The following KCNH7 variants were observed in gnomAD, a reference collection of about 807,000 sequenced individuals.
The protein encoded by KCNH7 is voltage-gated inwardly rectifying potassium channel KCNH7.
In KCNH7, 49 loss-of-function variants were observed where a neutral mutation model predicts 120.8. That is an observed-to-expected ratio of 0.41 (90% CI 0.32 to 0.51). The LOEUF (loss-of-function observed/expected upper bound fraction) is 0.51, where lower values mean the gene tolerates loss of function less well. Ranked by LOEUF, KCNH7 falls within the 20% of genes least tolerant of loss-of-function variation. The probability of loss-of-function intolerance (pLI) is 0.38; values close to 1 mark genes in which losing one functional copy is unlikely to be tolerated. For synonymous variants in KCNH7, 547 were observed against 516.1 expected (o/e 1.06, Z -0.81); for missense variants, 1,097 against 1,446.6 (o/e 0.76, Z 3.92).
At chr2:162,488,902 C>T (rs1690197562) in intron 6 of KCNH7, among the ~76,000 whole-genome samples, 1 of 152,148 alleles carries the variant, frequency 6.6e-6, no homozygotes, top group Admixed American at 6.5e-5. Context: ...CACATAAATG[C>T]TTCCCCTTCA....
intron 2 of KCNH7, among the ~76,000 whole-genome samples, chr2:162,713,025 A>T (rs1275566800): frequency 6.6e-6 from 1 of 152,104 alleles, no homozygotes; most frequent in Non-Finnish European, 1.5e-5. Flanking sequence ...CCTGGGTTTA[A>T]ATGATTCTCC....
intron 2 of KCNH7, among the ~76,000 whole-genome samples, chr2:162,755,818 GA>G (rs1024569515): frequency 2.0e-5 from 3 of 151,576 alleles, no homozygotes; most frequent in Non-Finnish European, 4.4e-5. Context: ...ATATATTTTG[GA>G]AAAAAAATCA....
chr2:162,375,405 A>T (rs1303530627), intron 14 of KCNH7, among the ~76,000 whole-genome samples: 3 of 152,186 alleles, frequency 2.0e-5, no homozygotes, highest in African/African-American at 7.2e-5. Flanking sequence ...GATTCTACCT[A>T]TTTGAATAGT....
intron 2 of KCNH7, among the ~76,000 whole-genome samples, chr2:162,775,323 A>C (rs1467389405): frequency 6.6e-6 from 1 of 152,198 alleles, no homozygotes; most frequent in Non-Finnish European, 1.5e-5. Context: ...TTTGAATTTT[A>C]GAAATTACAC....
chr2:162,668,148 A>C (rs1170221662), intron 2 of KCNH7, among the ~76,000 whole-genome samples: 1 of 152,196 alleles, frequency 6.6e-6, no homozygotes, highest in Non-Finnish European at 1.5e-5. Context: ...AAGTAGGAAA[A>C]ATACCAGGAA....
intron 6 of KCNH7, among the ~76,000 whole-genome samples, chr2:162,460,943 A>G (rs1050253286): frequency 2.0e-5 from 3 of 152,222 alleles, no homozygotes; most frequent in Non-Finnish European, 4.4e-5. Context: ...TTCCTAATAT[A>G]CATATTATTT....
chr2:162,499,353 A>T (rs2105740204), intron 6 of KCNH7, among the ~76,000 whole-genome samples: 1 of 152,114 alleles, frequency 6.6e-6, no homozygotes, highest in South Asian at 2.1e-4. Context: ...TTCATTGTTT[A>T]CTCTCCACCA....
intron 2 of KCNH7, among the ~76,000 whole-genome samples, chr2:162,714,072 T>C (rs755836543): frequency 3.2e-4 from 49 of 152,188 alleles, no homozygotes; most frequent in Non-Finnish European, 4.3e-4. Flanking sequence ...CTAACAGTTG[T>C]AGTTGGAATA....
At chr2:162,637,908 G>A (rs1479350029) in intron 2 of KCNH7, among the ~76,000 whole-genome samples, 4 of 152,022 alleles carry the variant, frequency 2.6e-5, no homozygotes, top group African/African-American at 9.7e-5. Flanking sequence ...TCTTTTGATA[G>A]TATCATGTGA....
intron 6 of KCNH7, among the ~76,000 whole-genome samples, chr2:162,469,840 G>A (rs1573996105): frequency 6.6e-6 from 1 of 152,176 alleles, no homozygotes; most frequent in Non-Finnish European, 1.5e-5. Flanking sequence ...CCGAGTGCCT[G>A]CGATTGCAGG....
intron 8 of KCNH7, among the ~76,000 whole-genome samples, chr2:162,433,249 T>C (rs1391326872): frequency 6.6e-6 from 1 of 152,104 alleles, no homozygotes; most frequent in Non-Finnish European, 1.5e-5. Context: ...AAACTACCAA[T>C]GTCATTTTCC....
At chr2:162,826,821 C>G (rs191885510) in intron 2 of KCNH7, among the ~76,000 whole-genome samples, 116 of 152,174 alleles carry the variant, frequency 7.6e-4, no homozygotes, top group African/African-American at 2.6e-3. Flanking sequence ...GACATAGAAA[C>G]AAATTACTAC....
chr2:162,783,968 A>T (rs1683604626), intron 2 of KCNH7, among the ~76,000 whole-genome samples: 1 of 152,302 alleles, frequency 6.6e-6, no homozygotes, highest in Middle Eastern at 3.4e-3. Flanking sequence ...GTTGCAGTTC[A>T]AAGAGCTAAT....
chr2:162,626,854 A>G (rs1683579387), intron 2 of KCNH7, among the ~76,000 whole-genome samples: 1 of 152,202 alleles, frequency 6.6e-6, no homozygotes, highest in African/African-American at 2.4e-5. Flanking sequence ...AACTAAGCTG[A>G]TGGAACTTCA....
chr2:162,631,254 G>T (rs1574195251), intron 2 of KCNH7, among the ~76,000 whole-genome samples: 1 of 152,052 alleles, frequency 6.6e-6, no homozygotes, highest in Non-Finnish European at 1.5e-5. Context: ...ACCCCTACTG[G>T]GAATACCACT....
intron 2 of KCNH7, among the ~76,000 whole-genome samples, chr2:162,589,716 G>A (rs1211269705): frequency 6.6e-6 from 1 of 151,930 alleles, no homozygotes; most frequent in Non-Finnish European, 1.5e-5. Flanking sequence ...GGAGTCTACT[G>A]GTAAAATGAG....
At chr2:162,569,780 G>T (rs1383008060) in intron 2 of KCNH7, among the ~76,000 whole-genome samples, 1 of 148,908 alleles carries the variant, frequency 6.7e-6, no homozygotes, top group Non-Finnish European at 1.5e-5. Flanking sequence ...CCTTCATTTC[G>T]TTATGTACCC....
At chr2:162,712,085 A>G (rs1574295032) in intron 2 of KCNH7, among the ~76,000 whole-genome samples, 1 of 152,152 alleles carries the variant, frequency 6.6e-6, no homozygotes, top group African/African-American at 2.4e-5. Flanking sequence ...CCTCAAGTAC[A>G]AGACTCTTTA....
At chr2:162,625,498 T>A (rs897016007) in intron 2 of KCNH7, among the ~76,000 whole-genome samples, 3 of 152,156 alleles carry the variant, frequency 2.0e-5, no homozygotes, top group Non-Finnish European at 4.4e-5. Context: ...GAGGAAGCAT[T>A]TTAGGGGTAC....
Sources: allele counts gnomAD v4.1 joint callset (sites outside exome capture counted in the v4.1 genomes callset), GRCh38; gene constraint gnomAD v4.1.1; transcripts MANE v1.5; gene names NCBI Gene and HGNC (gene_info 2026-07-23, HGNC 2026-07-21).